The following WWOX variants were observed in gnomAD, a reference collection of about 807,000 sequenced individuals.
The protein encoded by WWOX is WW domain containing oxidoreductase.
In WWOX, 69 loss-of-function variants were observed where a neutral mutation model predicts 46.2. That is an observed-to-expected ratio of 1.49 (90% confidence interval 1.23 to 1.82). WWOX has a LOEUF of 1.82. WWOX is among the 40% of genes most tolerant of loss of function. The pLI, the probability that WWOX is intolerant of heterozygous loss-of-function variation, is 0.00. For synonymous variants in WWOX, 359 were observed against 202.6 expected (o/e 1.77, Z -6.56); for missense variants, 919 against 542.6 (o/e 1.69, Z -6.89).
intron 8 of WWOX, among the ~76,000 whole-genome samples, chr16:78,821,931 G>C (rs577653826): frequency 6.6e-6 from 1 of 152,076 alleles, no homozygotes; most frequent in African/African-American, 2.4e-5. Flanking sequence ...TCAGGCTAGA[G>C]TGCTGTGGCA....
intron 8 of WWOX, among the ~76,000 whole-genome samples, chr16:78,479,253 C>T (rs1485188990): frequency 6.6e-6 from 1 of 152,182 alleles, no homozygotes; most frequent in Admixed American, 6.5e-5. Flanking sequence ...GGCACCACTT[C>T]AGACAGTAAG....
intron 5 of WWOX, among the ~76,000 whole-genome samples, chr16:78,280,588 C>T (rs538987756): frequency 6.8e-6 from 1 of 147,456 alleles, no homozygotes; most frequent in African/African-American, 2.5e-5. Context: ...CCTCAGGAAA[C>T]TTACAATCAT....
rs80115102 is a variant in WWOX, at chr16:78,977,347, C to T, written c.1057-234261C>T. Among the ~76,000 whole-genome samples, 1,400 of 152,276 alleles carry T rather than the reference C, an allele frequency of 9.2e-3. 15 individuals are homozygous for T. The highest frequency in any genetic ancestry group is 0.014 in the Non-Finnish European group (984 of 68,034). On this transcript the variant is annotated intron_variant, in intron 8 of 8. Coordinates refer to ENST00000566780, the MANE Select transcript of WWOX (RefSeq NM_016373.4). ...TTGGATCCTCCAGAGGCCTGAGATC[C>T]TCCAGATCCTGTTCATTTGCCTTAT... is the stretch of plus-strand genomic sequence containing the variant.
intron 8 of WWOX, among the ~76,000 whole-genome samples, chr16:78,886,499 G>A (rs1024402588): frequency 4.6e-5 from 7 of 151,630 alleles, no homozygotes; most frequent in African/African-American, 1.2e-4. Flanking sequence ...ACAAAATTCC[G>A]TATCTGATCT....
intron 2 of WWOX, among the ~76,000 whole-genome samples, chr16:78,109,224 T>A (rs1597208957): frequency 6.6e-6 from 1 of 152,244 alleles, no homozygotes; most frequent in East Asian, 1.9e-4. Context: ...CGGTGGCTTG[T>A]GCTTGTGATC....
At chr16:78,928,322 C>T (rs1052606577) in intron 8 of WWOX, among the ~76,000 whole-genome samples, 2 of 151,332 alleles carry the variant, frequency 1.3e-5, no homozygotes, top group Non-Finnish European at 1.5e-5. Flanking sequence ...CCTGCCTCAG[C>T]CTCCCGAGTA....
intron 8 of WWOX, among the ~76,000 whole-genome samples, chr16:78,571,395 C>G (rs779934130): frequency 6.3e-4 from 96 of 152,058 alleles, no homozygotes; most frequent in Non-Finnish European, 1.1e-3. Context: ...TGCATTACAG[C>G]TTAACAGACA....
At chr16:78,251,233 C>T (rs1597402465) in intron 5 of WWOX, among the ~76,000 whole-genome samples, 1 of 152,022 alleles carries the variant, frequency 6.6e-6, no homozygotes, top group Non-Finnish European at 1.5e-5. Context: ...TGTTTTTTAC[C>T]CAGTTTCTGT....
At chr16:79,166,378 T>G (rs1429023861) in intron 8 of WWOX, among the ~76,000 whole-genome samples, 1 of 152,156 alleles carries the variant, frequency 6.6e-6, no homozygotes, top group Admixed American at 6.5e-5. Flanking sequence ...TCCTTCTTAG[T>G]TTGCAGCTTT....
intron 8 of WWOX, among the ~76,000 whole-genome samples, chr16:78,911,517 T>C (rs1567643392): frequency 6.6e-6 from 1 of 151,860 alleles, no homozygotes; most frequent in South Asian, 2.1e-4. Flanking sequence ...GACAATTCTT[T>C]TGGTAATTGA....
intron 8 of WWOX, among the ~76,000 whole-genome samples, chr16:78,885,149 A>T (rs1057067912): frequency 6.6e-6 from 1 of 150,562 alleles, no homozygotes; most frequent in Non-Finnish European, 1.5e-5. Context: ...CAGCCCTTCT[A>T]CGAGCTCCCT....
At chr16:78,526,924 G>C (rs1416377759) in intron 8 of WWOX, among the ~76,000 whole-genome samples, 1 of 152,186 alleles carries the variant, frequency 6.6e-6, no homozygotes, top group Admixed American at 6.5e-5. Context: ...CAGCACTTTG[G>C]GAGGCCGAGG....
At chr16:78,198,855 C>A (rs527759997) in intron 5 of WWOX, among the ~76,000 whole-genome samples, 2 of 152,162 alleles carry the variant, frequency 1.3e-5, no homozygotes, top group South Asian at 2.1e-4. Flanking sequence ...TGTAAGTTTC[C>A]ATTTTTGCTC....
At chr16:79,104,443 A>T (rs554747811) in intron 8 of WWOX, among the ~76,000 whole-genome samples, 86 of 152,326 alleles carry the variant, frequency 5.6e-4, no homozygotes, top group African/African-American at 1.8e-3. Flanking sequence ...TCATATATCC[A>T]TTCATCCGTC....
intron 8 of WWOX, among the ~76,000 whole-genome samples, chr16:78,878,687 C>T (rs576706695): frequency 1.3e-5 from 2 of 152,024 alleles, no homozygotes; most frequent in South Asian, 4.2e-4. Flanking sequence ...CCTTAATTTC[C>T]TTTATAGACC....
At chr16:78,678,721 G>C (rs1420287466) in intron 8 of WWOX, among the ~76,000 whole-genome samples, 1 of 152,196 alleles carries the variant, frequency 6.6e-6, no homozygotes, top group Non-Finnish European at 1.5e-5. Context: ...GATTTTGACG[G>C]AGGGCTGGAA....
intron 8 of WWOX, among the ~76,000 whole-genome samples, chr16:78,693,584 T>G (rs151103331): frequency 2.6e-4 from 40 of 152,306 alleles, no homozygotes; most frequent in African/African-American, 5.5e-4. Flanking sequence ...GGCCCTCCTC[T>G]AGGGCAGTGG....
chr16:78,810,349 G>T (rs1210534353), intron 8 of WWOX, among the ~76,000 whole-genome samples: 10 of 152,148 alleles, frequency 6.6e-5, no homozygotes, highest in Non-Finnish European at 1.5e-4. Context: ...CATATGATCA[G>T]CCGGTATATT....
intron 8 of WWOX, among the ~76,000 whole-genome samples, chr16:79,121,639 A>G (rs2049633844): frequency 6.6e-6 from 1 of 152,166 alleles, no homozygotes; most frequent in Non-Finnish European, 1.5e-5. Flanking sequence ...ATGGAGTCCA[A>G]AAGGTGGGAG....
Sources: allele counts gnomAD v4.1 joint callset (sites outside exome capture counted in the v4.1 genomes callset), GRCh38; gene constraint gnomAD v4.1.1; transcripts MANE v1.5; gene names NCBI Gene and HGNC (gene_info 2026-07-23, HGNC 2026-07-21).